WIF1: variants seen among roughly 807,000 people sequenced by gnomAD.
WIF1 encodes the protein Wnt inhibitory factor 1.
WIF1 carries 35 observed loss-of-function variants against 53.5 expected under a neutral mutation model. The observed-to-expected ratio is 0.65, with a 90% CI of 0.50 to 0.87. The LOEUF is 0.87. Among genes scored for constraint, WIF1 ranks in the 40% least tolerant of loss-of-function variants. The probability of loss-of-function intolerance (pLI) is 0.00; values close to 1 mark genes in which losing one functional copy is unlikely to be tolerated. For synonymous variants in WIF1, 171 were observed against 170.4 expected, an observed-to-expected ratio of 1.00 and a Z score of -0.03; for missense variants, 467 against 476.8, an observed-to-expected ratio of 0.98 and a Z score of 0.19.
intron 2 of WIF1, among the ~76,000 whole-genome samples, chr12:65,081,705 T>C (rs1024614379): frequency 1.3e-5 from 2 of 152,142 alleles, no homozygotes; most frequent in African/African-American, 4.8e-5. Flanking sequence ...GAGTAAATCG[T>C]TTTCTTTCTT....
At chr12:65,078,169 C>A (rs1217403067) in intron 2 of WIF1, among the ~76,000 whole-genome samples, 1 of 152,142 alleles carries the variant, frequency 6.6e-6, no homozygotes, top group Non-Finnish European at 1.5e-5. Flanking sequence ...ACCTCTGCCT[C>A]CCAGGTTCAA....
intron 3 of WIF1, among the ~76,000 whole-genome samples, chr12:65,071,231 C>CAAAAAAAAAA (rs67928556): frequency 2.8e-5 from 2 of 71,148 alleles, no homozygotes; most frequent in African/African-American, 5.6e-5. Flanking sequence ...AAGACTCCAT[C>CAAAAAAAAAA]AAAAAAAAAA....
chr12:65,088,103 A>G (rs1883067174), intron 2 of WIF1, among the ~76,000 whole-genome samples: 1 of 152,202 alleles, frequency 6.6e-6, no homozygotes. Flanking sequence ...CCTGAGGAGC[A>G]CTGATGATGA....
intron 2 of WIF1, among the ~76,000 whole-genome samples, chr12:65,114,892 C>A (rs1883485991): frequency 6.6e-6 from 1 of 152,036 alleles, no homozygotes; most frequent in Non-Finnish European, 1.5e-5. Context: ...ATGAAGGTAC[C>A]CCACTGACTT....
intron 3 of WIF1, among the ~76,000 whole-genome samples, chr12:65,071,460 G>A (rs774724508): frequency 8.6e-5 from 13 of 151,984 alleles, no homozygotes; most frequent in Non-Finnish European, 1.8e-4. Flanking sequence ...TAAAGATGTA[G>A]TATCTTCATT....
chr12:65,075,228 T>G (rs1284379909), intron 3 of WIF1, among the ~76,000 whole-genome samples: 1 of 152,246 alleles, frequency 6.6e-6, no homozygotes, highest in South Asian at 2.1e-4. Context: ...GTTTATTTAG[T>G]CTCCCACTCT....
At chr12:65,111,298 G>A (rs1883427472) in intron 2 of WIF1, among the ~76,000 whole-genome samples, 1 of 152,142 alleles carries the variant, frequency 6.6e-6, no homozygotes, top group Non-Finnish European at 1.5e-5. Flanking sequence ...ATCTAAACAT[G>A]TATCTCCAAC....
intron 2 of WIF1, among the ~76,000 whole-genome samples, chr12:65,086,576 C>A (rs1297974554): frequency 6.6e-6 from 1 of 151,982 alleles, no homozygotes; most frequent in Non-Finnish European, 1.5e-5. Context: ...GATGCTAAGG[C>A]AAAATGATGA....
At chr12:65,096,662 T>C (rs1337506301) in intron 2 of WIF1, among the ~76,000 whole-genome samples, 3 of 152,186 alleles carry the variant, frequency 2.0e-5, no homozygotes, top group Non-Finnish European at 4.4e-5. Flanking sequence ...GTGGCACATA[T>C]ACACCATAGA....
chr12:65,056,256 A>G, intron 7 of WIF1, 130 bp from the exon 8 acceptor site: 3 of 727,210 alleles, frequency 4.1e-6, no homozygotes, highest in Non-Finnish European at 6.4e-6. Context: ...TTTATTTCAG[A>G]TCTACTCTGG....
At chr12:65,079,625 CAA>C (rs56249618) in intron 2 of WIF1, among the ~76,000 whole-genome samples, 12 of 67,138 alleles carry the variant, frequency 1.8e-4, no homozygotes, top group East Asian at 5.4e-4. Context: ...GACTCTGTCT[CAA>C]AAAAAAAAAA....
chr12:65,098,153 C>T (rs1293811811), intron 2 of WIF1, among the ~76,000 whole-genome samples: 2 of 152,112 alleles, frequency 1.3e-5, no homozygotes, highest in African/African-American at 4.8e-5. Context: ...AATAGGTTAA[C>T]ATAGGGTCAG....
intron 2 of WIF1, among the ~76,000 whole-genome samples, chr12:65,079,098 G>A (rs1180151518): frequency 6.8e-6 from 1 of 147,646 alleles, no homozygotes; most frequent in East Asian, 2.0e-4. Context: ...CCAGGAGGTG[G>A]AGGCTGCAGT....
chr12:65,086,455 C>T (rs905163849), intron 2 of WIF1, among the ~76,000 whole-genome samples: 2 of 152,110 alleles, frequency 1.3e-5, no homozygotes, highest in Non-Finnish European at 2.9e-5. Context: ...AAGAAAATGT[C>T]ATTACAAGTG....
At chr12:65,099,502 C>A (rs61924765) in intron 2 of WIF1, among the ~76,000 whole-genome samples, 31,690 of 152,122 alleles carry the variant, frequency 0.21, 3,504 homozygotes, top group Admixed American at 0.25. Flanking sequence ...CCCCTTCTCC[C>A]CAACCCGCCA....
intron 2 of WIF1, among the ~76,000 whole-genome samples, chr12:65,080,886 A>G (rs2136623539): frequency 6.6e-6 from 1 of 152,294 alleles, no homozygotes; most frequent in South Asian, 2.1e-4. Context: ...GTCACATTAT[A>G]AATTAAATAT....
Position 65,068,711 on chromosome 12 carries a change from T to A in WIF1, c.538+53A>T. On this transcript the variant is annotated intron_variant, in intron 4 of 9. Transcript: ENST00000286574. ...TATAGATATAAATATTTGGTCCAAA[T>A]CACACCTAAGCCCTTACAACATGTC... is the stretch of plus-strand genomic sequence containing the variant. 1.9e-6 allele frequency: 3 copies of A among 1,575,864 alleles called. No individual in the cohort carries two copies. The South Asian group carries it at 3.5e-5, about 18-fold the overall frequency.
intron 3 of WIF1, among the ~76,000 whole-genome samples, chr12:65,070,719 A>G (rs947607010): frequency 2.7e-4 from 41 of 152,252 alleles, no homozygotes; most frequent in Admixed American, 2.5e-3. Flanking sequence ...TCTCCTTTGC[A>G]GCCCACCTGA....
chr12:65,086,762 G>A (rs1165402209), intron 2 of WIF1, among the ~76,000 whole-genome samples: 1 of 146,652 alleles, frequency 6.8e-6, no homozygotes, highest in Admixed American at 6.9e-5. Context: ...TTTTCTTAAA[G>A]CTTCAGAAGC....
Sources: gnomAD v4.1 joint callset for allele counts (sites outside exome capture counted in the v4.1 genomes callset) on GRCh38, gnomAD v4.1.1 for gene constraint, MANE v1.5 for transcripts, NCBI Gene and HGNC (gene_info 2026-07-23, HGNC 2026-07-21) for gene names.